HNF1B: variants seen among roughly 807,000 people sequenced by gnomAD.
HNF1B encodes the protein hepatocyte nuclear factor 1-beta.
Under a neutral mutation model 61.7 loss-of-function variants are expected in HNF1B, and 8 were observed. The ratio of observed to expected loss-of-function variants is 0.13; its 90% CI spans 0.08 to 0.23. HNF1B has a LOEUF of 0.23. HNF1B is among the 10% of genes least tolerant of loss of function. HNF1B has a pLI of 1.00. For synonymous variants in HNF1B, 314 were observed against 287.7 expected (o/e 1.09, Z -0.93); for missense variants, 562 against 714.5 (o/e 0.79, Z 2.43).
At chr17:37,700,583 G>C (rs1169579523) in intron 7 of HNF1B, among the ~76,000 whole-genome samples, 1 of 152,244 alleles carries the variant, frequency 6.6e-6, no homozygotes, top group Non-Finnish European at 1.5e-5. Context: ...GTGATCATTT[G>C]ATAATGGCTG....
chr17:37,687,226 T>C lies in HNF1B; in HGVS notation c.*146A>G. On this transcript the variant is annotated 3_prime_UTR_variant, in exon 9 of 9. Coordinates refer to ENST00000617811, the MANE Select transcript of HNF1B (RefSeq NM_000458.4). ...CCTCCTGAGAGTGGATTGTCTGAGG[T>C]GCCAGCAGGACGTCCGTCAGGTAAG... is the stretch of plus-strand genomic sequence containing the variant. 7.6e-7 allele frequency: 1 copy of C among 1,322,194 alleles called. No homozygotes were observed. The highest frequency in any genetic ancestry group is 1.2e-5 in the South Asian group (1 of 82,092). 81.9% of individuals were successfully genotyped at this position (1,322,194 alleles called of 1,614,324 possible).
At chr17:37,712,427 C>A (rs2032965802) in intron 4 of HNF1B, among the ~76,000 whole-genome samples, 2 of 149,956 alleles carry the variant, frequency 1.3e-5, no homozygotes, top group Non-Finnish European at 2.9e-5. Flanking sequence ...TCGATGCCAT[C>A]CCATTGGATT....
intron 4 of HNF1B, among the ~76,000 whole-genome samples, chr17:37,718,394 A>G (rs1245242129): frequency 1.3e-5 from 2 of 152,202 alleles, no homozygotes; most frequent in African/African-American, 4.8e-5. Context: ...CTGTAGGTAA[A>G]AGGAACCAGC....
intron 4 of HNF1B, among the ~76,000 whole-genome samples, chr17:37,721,704 T>A (rs1174499446): frequency 6.9e-6 from 1 of 144,572 alleles, no homozygotes; most frequent in Non-Finnish European, 1.5e-5. Context: ...TGACTATGCA[T>A]CCAAATCTCT....
At chr17:37,709,345 G>C (rs558391468) in intron 5 of HNF1B, among the ~76,000 whole-genome samples, 1 of 152,128 alleles carries the variant, frequency 6.6e-6, no homozygotes, top group Non-Finnish European at 1.5e-5. Context: ...TGCCTCCCAG[G>C]CTCAAGTGAG....
intron 8 of HNF1B, among the ~76,000 whole-genome samples, chr17:37,693,771 G>A (rs1472867197): frequency 6.6e-6 from 1 of 152,214 alleles, no homozygotes; most frequent in Non-Finnish European, 1.5e-5. Context: ...CCTGGTGGGA[G>A]ATATTGGATC....
chr17:37,742,711 T>TG (rs1053933543), intron 1 of HNF1B, among the ~76,000 whole-genome samples: 1 of 151,680 alleles, frequency 6.6e-6, no homozygotes, highest in African/African-American at 2.4e-5. Flanking sequence ...AGAGCGGGGC[T>TG]GGGGTCTAAG....
chr17:37,725,854 T>G (rs1568658903), intron 4 of HNF1B, among the ~76,000 whole-genome samples: 2 of 152,194 alleles, frequency 1.3e-5, no homozygotes, highest in African/African-American at 4.8e-5. Flanking sequence ...GAAGCCCCAT[T>G]AAGTTGTTAA....
chr17:37,722,404 T>C (rs1017462037), intron 4 of HNF1B, among the ~76,000 whole-genome samples: 3 of 152,202 alleles, frequency 2.0e-5, no homozygotes, highest in Non-Finnish European at 4.4e-5. Context: ...ACAGAGAAGC[T>C]AATAACTTAA....
At chr17:37,719,341 G>A (rs1049485455) in intron 4 of HNF1B, among the ~76,000 whole-genome samples, 7 of 152,138 alleles carry the variant, frequency 4.6e-5, no homozygotes, top group African/African-American at 9.7e-5. Flanking sequence ...AAACAGTATT[G>A]ATAGACTTGG....
At chr17:37,714,083 G>A (rs1245759304) in intron 4 of HNF1B, among the ~76,000 whole-genome samples, 1 of 152,210 alleles carries the variant, frequency 6.6e-6, no homozygotes, top group Non-Finnish European at 1.5e-5. Context: ...GTGATCTTGG[G>A]AAGTTACTTA....
rs187356404 is a variant in HNF1B, at chr17:37,726,807, G to A, written c.1045+4788C>T. Among the ~76,000 whole-genome samples, 253 of 152,240 alleles carry A rather than the reference G, an allele frequency of 1.7e-3. 1 individual carries two copies. Among genetic ancestry groups the A allele is most frequent in the Middle Eastern group, 3.4e-3 (1 of 294 alleles). On this transcript the variant is annotated intron_variant, in intron 4 of 8. Transcript: ENST00000617811. ...CTCTTTGGTGAAGGGGCTATGGTTC[G>A]GGACCCCTGAAAGTCCTCCTGGCAG...
In HNF1B at chr17:37,709,424, A is replaced by ATT. The variant is rs71135761; in HGVS notation, c.1206+1077_1206+1078dup. ...GCCACCATTCCTGGCTAATTTTTGTATTTTTTTTTTAATAGAGATGGTGTT... is the reference window on the plus strand; with the variant it reads ...GCCACCATTCCTGGCTAATTTTTGTATTTTTTTTTTTTAATAGAGATGGTGTT... On this transcript the variant is annotated intron_variant, in intron 5 of 8. Transcript: ENST00000617811. Among the ~76,000 whole-genome samples the ATT allele has an allele frequency of 3.1e-4, 46 of 147,040 alleles. No homozygotes were observed. The South Asian group carries it at 9.3e-3, about 30-fold the overall frequency.
At chr17:37,740,757 T>C (rs2033969209) in intron 1 of HNF1B, among the ~76,000 whole-genome samples, 1 of 152,230 alleles carries the variant, frequency 6.6e-6, no homozygotes, top group Non-Finnish European at 1.5e-5. Flanking sequence ...ATTATGTTTC[T>C]CATAAATTTT....
intron 8 of HNF1B, among the ~76,000 whole-genome samples, chr17:37,696,315 TA>T (rs1427810692): frequency 6.6e-6 from 1 of 152,136 alleles, no homozygotes; most frequent in Non-Finnish European, 1.5e-5. Context: ...TGTGCGCCTG[TA>T]GTCTCAGCTA....
intron 8 of HNF1B, among the ~76,000 whole-genome samples, chr17:37,696,995 T>C (rs1255688752): frequency 6.6e-6 from 1 of 152,200 alleles, no homozygotes; most frequent in Non-Finnish European, 1.5e-5. Context: ...TTTACTCTTG[T>C]TCCTGACCAC....
intron 1 of HNF1B, among the ~76,000 whole-genome samples, chr17:37,742,745 C>A (rs1430297909): frequency 6.6e-6 from 1 of 151,366 alleles, no homozygotes; most frequent in Non-Finnish European, 1.5e-5. Flanking sequence ...GCCTGGCTCT[C>A]CGCCGGCCGG....
At chr17:37,728,690 G>A (rs1465011773) in intron 4 of HNF1B, 1 of 152,240 alleles carries the variant, frequency 6.6e-6, no homozygotes, top group Non-Finnish European at 1.5e-5. Flanking sequence ...TGGGCACTGA[G>A]GTGGGAAGAG....
In HNF1B at chr17:37,710,532, G is replaced by C; in HGVS notation, c.1177C>G (p.His393Asp). 6.2e-7 allele frequency: 1 copy of C among 1,614,206 alleles called. No homozygotes were observed. The highest frequency in any genetic ancestry group is 8.5e-7 in the Non-Finnish European group (1 of 1,180,044). The change falls in exon 5 of 9, where the codon CAC (histidine) becomes GAC (aspartate). Residue 393 changes from histidine to aspartate, a missense_variant. Transcript: ENST00000617811. ...QVSPASLDPG[H>D]NLLSPDGKMI... The stretch of plus-strand genomic sequence containing the variant: ...TTACCATCAGGTGAGAGGAGATTGT[G>C]GCCTGGGTCCAGGCTGGCTGGGGAG...
Sources: allele counts gnomAD v4.1 joint callset (sites outside exome capture counted in the v4.1 genomes callset), GRCh38; gene constraint gnomAD v4.1.1; transcripts MANE v1.5; gene names NCBI Gene and HGNC (gene_info 2026-07-23, HGNC 2026-07-21).